The following VOPP1 variants were observed in gnomAD, a reference collection of about 807,000 sequenced individuals.
The protein encoded by VOPP1 is VOPP1 WW domain binding protein.
A neutral mutation model predicts 23.5 loss-of-function variants in VOPP1; 8 were observed. That is an observed-to-expected ratio of 0.34 (90% CI 0.20 to 0.61). The LOEUF (loss-of-function observed/expected upper bound fraction) is 0.61, where lower values mean the gene tolerates loss of function less well. Among genes scored for constraint, VOPP1 ranks in the 20% least tolerant of loss-of-function variants. VOPP1 has a pLI of 0.78. For missense variants in VOPP1, 174 were observed against 238.1 expected (o/e 0.73, Z 1.77); for synonymous variants, 83 against 97.3 (o/e 0.85, Z 0.86).
At chr7:55,478,305 G>T (rs1792429208) in intron 4 of VOPP1, among the ~76,000 whole-genome samples, 2 of 152,042 alleles carry the variant, frequency 1.3e-5, no homozygotes, top group Admixed American at 1.3e-4. Context: ...ATCACAAAGA[G>T]AACAAAAATG....
At chr7:55,500,702 C>T (rs938065793) in intron 2 of VOPP1, among the ~76,000 whole-genome samples, 1 of 152,226 alleles carries the variant, frequency 6.6e-6, no homozygotes, top group African/African-American at 2.4e-5. Flanking sequence ...AGGCTAAATG[C>T]TTCACAAACG....
chr7:55,448,491 C>T (rs1791157301), intron 4 of VOPP1, among the ~76,000 whole-genome samples: 1 of 152,152 alleles, frequency 6.6e-6, no homozygotes, highest in Non-Finnish European at 1.5e-5. Context: ...ACAATTATGC[C>T]AAGAAACTGT....
intron 2 of VOPP1, among the ~76,000 whole-genome samples, chr7:55,502,655 A>G (rs1184089420): frequency 1.3e-5 from 2 of 152,246 alleles, no homozygotes; most frequent in Non-Finnish European, 2.9e-5. Context: ...AGCTGCAATT[A>G]CAAAGAGATA....
chr7:55,570,671 G>A (rs1584141922), intron 1 of VOPP1, among the ~76,000 whole-genome samples: 1 of 152,096 alleles, frequency 6.6e-6, no homozygotes, highest in Non-Finnish European at 1.5e-5. Context: ...GGCCGGGCGC[G>A]GTGGCTCACC....
chr7:55,528,610 C>T (rs1370638466), intron 1 of VOPP1, among the ~76,000 whole-genome samples: 5 of 151,830 alleles, frequency 3.3e-5, no homozygotes, highest in South Asian at 2.1e-4. Context: ...CACTTGAACC[C>T]GGGAGGCGGA....
chr7:55,483,280 G>A (rs1792877523), intron 4 of VOPP1, among the ~76,000 whole-genome samples: 1 of 152,156 alleles, frequency 6.6e-6, no homozygotes, highest in African/African-American at 2.4e-5. Flanking sequence ...GGGAGAGCCT[G>A]CATTTCTAAC....
chr7:55,492,474 GGCCCTACA>G, intron 3 of VOPP1, 56 bp from the exon 4 acceptor site: 1 of 1,546,008 alleles, frequency 6.5e-7, no homozygotes, highest in Non-Finnish European at 8.7e-7. Flanking sequence ...CTGAGGGCTT[GGCCCTACA>G]GCTCAAAGGC....
At position 55,505,940 on chromosome 7, in the gene VOPP1, G is replaced by A. The variant is rs1794693292; in HGVS notation, c.114-8250C>T. On this transcript the variant is annotated intron_variant, in intron 2 of 4. Transcript: ENST00000285279. ...CAAACATCTCTATTAAAACAGGACAGTGTCAGATCACTGATGCCCCGTCTC... is the reference window on the plus strand; with the variant it reads ...CAAACATCTCTATTAAAACAGGACAATGTCAGATCACTGATGCCCCGTCTC... Among the ~76,000 whole-genome samples, 3 of 152,320 alleles carry A rather than the reference G, an allele frequency of 2.0e-5. No individual in the cohort carries two copies. In the South Asian group the frequency reaches 6.2e-4, roughly 32 times the overall value.
chr7:55,523,082 C>T (rs1795973133), intron 1 of VOPP1, among the ~76,000 whole-genome samples: 1 of 152,150 alleles, frequency 6.6e-6, no homozygotes, highest in Admixed American at 6.5e-5. Flanking sequence ...TTTGTGGTGG[C>T]AAAACAGAGA....
intron 1 of VOPP1, among the ~76,000 whole-genome samples, chr7:55,534,965 G>GAA: frequency 6.6e-6 from 1 of 152,344 alleles, no homozygotes; most frequent in South Asian, 2.1e-4. Flanking sequence ...GCCAGGGGGT[G>GAA]AGCTTGCTGA....
At chr7:55,457,633 C>A (rs1402459881) in intron 4 of VOPP1, among the ~76,000 whole-genome samples, 1 of 150,050 alleles carries the variant, frequency 6.7e-6, no homozygotes, top group Admixed American at 6.6e-5. Context: ...TTTTTTTGGT[C>A]TTTTTAATAA....
chr7:55,443,934 T>C (rs548686650), intron 4 of VOPP1, among the ~76,000 whole-genome samples: 12 of 152,306 alleles, frequency 7.9e-5, no homozygotes, highest in Admixed American at 7.2e-4. Flanking sequence ...TGAGCCACCA[T>C]GCCTGGCCTA....
intron 3 of VOPP1, among the ~76,000 whole-genome samples, chr7:55,494,326 ATGT>A (rs1329523842): frequency 6.6e-6 from 1 of 152,170 alleles, no homozygotes; most frequent in Non-Finnish European, 1.5e-5. Context: ...GAGAGGCTGG[ATGT>A]GTACAGGGTT....
intron 4 of VOPP1, among the ~76,000 whole-genome samples, chr7:55,447,512 C>T (rs889752800): frequency 6.6e-6 from 1 of 152,110 alleles, no homozygotes; most frequent in Non-Finnish European, 1.5e-5. Flanking sequence ...ATGCCGCCAC[C>T]TAAATAAGGA....
At chr7:55,451,324 G>C (rs997464790) in intron 4 of VOPP1, among the ~76,000 whole-genome samples, 3 of 152,220 alleles carry the variant, frequency 2.0e-5, no homozygotes, top group Admixed American at 2.0e-4. Flanking sequence ...CCTGGGAAAT[G>C]TTGCAGGTTC....
intron 2 of VOPP1, among the ~76,000 whole-genome samples, chr7:55,498,033 A>G (rs371305329): frequency 6.6e-6 from 1 of 152,228 alleles, no homozygotes; most frequent in African/African-American, 2.4e-5. Context: ...GAGGCTCCAC[A>G]GGAGCCCAGC....
intron 4 of VOPP1, among the ~76,000 whole-genome samples, chr7:55,452,400 C>T (rs141587467): frequency 6.6e-6 from 1 of 152,330 alleles, no homozygotes; most frequent in African/African-American, 2.4e-5. Flanking sequence ...TTGGAATCAA[C>T]TTCTCCCAAG....
At chr7:55,533,212 G>C (rs1796594425) in intron 1 of VOPP1, among the ~76,000 whole-genome samples, 1 of 152,186 alleles carries the variant, frequency 6.6e-6, no homozygotes, top group African/African-American at 2.4e-5. Flanking sequence ...GGTTCAGTCA[G>C]CTGCCTCCAG....
intron 2 of VOPP1, among the ~76,000 whole-genome samples, chr7:55,499,615 G>A (rs993484642): frequency 2.0e-5 from 3 of 152,208 alleles, no homozygotes; most frequent in South Asian, 2.1e-4. Context: ...AAATGGAGCC[G>A]GCACCGGCAG....
Sources: allele counts gnomAD v4.1 joint callset (sites outside exome capture counted in the v4.1 genomes callset), GRCh38; gene constraint gnomAD v4.1.1; transcripts MANE v1.5; gene names NCBI Gene and HGNC (gene_info 2026-07-23, HGNC 2026-07-21).